DLGAP1: variants seen among roughly 807,000 people sequenced by gnomAD.
The protein encoded by DLGAP1 is DLG associated protein 1, also known as disks large-associated protein 1.
A neutral mutation model predicts 90.8 loss-of-function variants in DLGAP1; 11 were observed. The observed-to-expected ratio is 0.12, with a 90% CI of 0.08 to 0.20. The LOEUF is 0.20. DLGAP1 is among the 10% of genes least tolerant of loss of function. The pLI, the probability that DLGAP1 is intolerant of heterozygous loss-of-function variation, is 1.00. For synonymous variants in DLGAP1, 558 were observed against 540.7 expected (o/e 1.03, Z -0.44); for missense variants, 1,050 against 1,333.8 (o/e 0.79, Z 3.31).
At chr18:3,743,000 T>C (rs2063124041) in intron 5 of DLGAP1, among the ~76,000 whole-genome samples, 1 of 152,010 alleles carries the variant, frequency 6.6e-6, no homozygotes, top group Non-Finnish European at 1.5e-5. Context: ...CTTCCATCTT[T>C]AACTCTCTAA....
At chr18:3,523,799 G>C (rs1436584223) in intron 10 of DLGAP1, among the ~76,000 whole-genome samples, 1 of 149,094 alleles carries the variant, frequency 6.7e-6, no homozygotes, top group Non-Finnish European at 1.5e-5. Context: ...AGTGAGCTGA[G>C]ATAGCGCCAC....
chr18:4,037,955 G>A (rs535264757), intron 2 of DLGAP1, among the ~76,000 whole-genome samples: 22 of 152,284 alleles, frequency 1.4e-4, no homozygotes, highest in African/African-American at 4.6e-4. Context: ...GTGAGACTCC[G>A]TCTCAAAAAC....
rs1056708945 is a variant in DLGAP1, at chr18:3,517,966, A to G, written c.2480-9305T>C. ...GCTGTTTCGCTTCCTTATCATTTGT[A>G]TGTTCACTTGGGTAGCACTTTTCAT... On this transcript the variant is annotated intron_variant, in intron 10 of 12. Transcript: ENST00000315677. The surrounding 1 kb of genome is among the most constrained non-coding windows in gnomAD (Gnocchi z 4.1). 6.6e-6 allele frequency among the ~76,000 whole-genome samples: 1 copy of G among 152,186 alleles called. No individual in the cohort carries two copies. The highest frequency in any genetic ancestry group is 2.4e-5 in the African/African-American group (1 of 41,446).
intron 4 of DLGAP1, among the ~76,000 whole-genome samples, chr18:3,841,254 T>A (rs917425293): frequency 4.6e-5 from 7 of 151,988 alleles, no homozygotes; most frequent in African/African-American, 7.2e-5. Flanking sequence ...ACAATGGAAA[T>A]GAAACAGAAA....
intron 5 of DLGAP1, among the ~76,000 whole-genome samples, chr18:3,769,527 G>A (rs1279870827): frequency 7.9e-5 from 12 of 152,146 alleles, no homozygotes. Flanking sequence ...TGGTTAAACT[G>A]TAGTACATCC....
chr18:4,216,154 C>T (rs551021444), intron 1 of DLGAP1, among the ~76,000 whole-genome samples: 2 of 152,024 alleles, frequency 1.3e-5, no homozygotes, highest in African/African-American at 2.4e-5. Context: ...GAAGCAAACA[C>T]GTCCTTCTCA....
intron 7 of DLGAP1, among the ~76,000 whole-genome samples, chr18:3,652,538 G>A (rs2059351358): frequency 6.6e-6 from 1 of 152,104 alleles, no homozygotes; most frequent in Admixed American, 6.5e-5. Context: ...GACTCGCTCT[G>A]TGGCTCACGG....
At chr18:4,174,926 G>T (rs1463003010) in intron 1 of DLGAP1, among the ~76,000 whole-genome samples, 1 of 152,164 alleles carries the variant, frequency 6.6e-6, no homozygotes, top group East Asian at 1.9e-4. Context: ...CCATGTCCCT[G>T]TGAAGGACAT....
In DLGAP1 at chr18:3,729,323, A is replaced by AACACGGACTCGC; in HGVS notation, c.1391_1402dup (p.Cys464_Val467dup). ...CACGGCCTGCGACTCCAGCTCGCTG[A>AACACGGACTCGC]ACACGGACTCGCACACGGACTCGAA... On this transcript the variant is annotated inframe_insertion, in exon 7 of 13. Transcript: ENST00000315677. This position sits in a 1 kb window ranked among gnomAD's most constrained non-coding sequence, Gnocchi z 6.2. 1.2e-6 allele frequency: 2 copies of AACACGGACTCGC among 1,614,110 alleles called. No individual in the cohort carries two copies. Among genetic ancestry groups the AACACGGACTCGC allele is most frequent in the Non-Finnish European group, 1.7e-6 (2 of 1,179,984 alleles).
chr18:3,837,631 C>A (rs1025564227), intron 4 of DLGAP1, among the ~76,000 whole-genome samples: 2 of 151,954 alleles, frequency 1.3e-5, no homozygotes, highest in East Asian at 3.9e-4. Context: ...GGTAGATTGC[C>A]TGAGCTCGGG....
chr18:4,140,759 G>A (rs898782797), intron 2 of DLGAP1, among the ~76,000 whole-genome samples: 18 of 151,744 alleles, frequency 1.2e-4, no homozygotes, highest in Non-Finnish European at 2.2e-4. Flanking sequence ...TGTTGTTCTC[G>A]AAAAGTATTT....
Position 4,228,154 on chromosome 18 carries a change from C to T in DLGAP1, c.-266-76867G>A, listed in dbSNP as rs576786197. On this transcript the variant is annotated intron_variant, in intron 1 of 12. Coordinates refer to ENST00000315677, the MANE Select transcript of DLGAP1 (RefSeq NM_004746.4). ...GATGAAGCCTACCAAGATTGAGCCACGAAAAAATCCAAAACCTGAATGGAC... is the reference window on the plus strand; with the variant it reads ...GATGAAGCCTACCAAGATTGAGCCATGAAAAAATCCAAAACCTGAATGGAC... 3.3e-3 allele frequency among the ~76,000 whole-genome samples: 504 copies of T among 151,444 alleles called. 3 individuals carry two copies. The highest frequency in any genetic ancestry group is 0.011 in the African/African-American group (440 of 41,402).
chr18:3,766,340 T>C (rs557458119), intron 5 of DLGAP1, among the ~76,000 whole-genome samples: 2 of 152,066 alleles, frequency 1.3e-5, no homozygotes, highest in Non-Finnish European at 2.9e-5. Flanking sequence ...AAAAAGCTGA[T>C]AGAACTGAAA....
At chr18:3,672,555 C>A (rs1298875872) in intron 7 of DLGAP1, among the ~76,000 whole-genome samples, 1 of 98,394 alleles carries the variant, frequency 1.0e-5, no homozygotes, top group Non-Finnish European at 2.0e-5. Flanking sequence ...CCAGCCTGGG[C>A]AACAAGAGCA....
chr18:3,901,551 A>G (rs1179280510), intron 3 of DLGAP1, among the ~76,000 whole-genome samples: 2 of 152,158 alleles, frequency 1.3e-5, no homozygotes, highest in African/African-American at 2.4e-5. Flanking sequence ...GCTGTGAGAC[A>G]TGTGATTGCT....
intron 2 of DLGAP1, among the ~76,000 whole-genome samples, chr18:4,137,786 A>G (rs1290974757): frequency 6.6e-6 from 1 of 151,998 alleles, no homozygotes; most frequent in African/African-American, 2.4e-5. Flanking sequence ...ATTGTTTTGT[A>G]TTCTCCTAAA....
intron 7 of DLGAP1, among the ~76,000 whole-genome samples, chr18:3,585,197 G>T (rs746949569): frequency 4.6e-5 from 7 of 152,242 alleles, no homozygotes; most frequent in Non-Finnish European, 1.0e-4. Context: ...GCCAGCCTCA[G>T]GTTCTTCCCA....
At position 3,838,500 on chromosome 18, in the gene DLGAP1, C is replaced by T. The variant is rs2068531707; in HGVS notation, c.958-24227G>A. ...TTAAAAGTGAAGGATTTCACTCTCC[C>T]CTGAAAGCACTCTATTTGATAGAGA... On this transcript the variant is annotated intron_variant, in intron 4 of 12. Coordinates refer to ENST00000315677, the MANE Select transcript of DLGAP1 (RefSeq NM_004746.4). 2.6e-5 allele frequency among the ~76,000 whole-genome samples: 4 copies of T among 152,290 alleles called. No individual in the cohort carries two copies. In the South Asian group the frequency reaches 6.2e-4, roughly 24 times the overall value.
intron 2 of DLGAP1, among the ~76,000 whole-genome samples, chr18:4,103,802 A>G (rs1432692976): frequency 6.6e-6 from 1 of 152,136 alleles, no homozygotes; most frequent in South Asian, 2.1e-4. Flanking sequence ...ATTTTTTCAG[A>G]ATCAAATAAT....
Sources: allele counts gnomAD v4.1 joint callset (sites outside exome capture counted in the v4.1 genomes callset), GRCh38; gene constraint gnomAD v4.1.1; non-coding constraint Gnocchi (gnomAD v3.1); transcripts MANE v1.5; gene names NCBI Gene and HGNC (gene_info 2026-07-23, HGNC 2026-07-21).